PSD4: variants seen among roughly 807,000 people sequenced by gnomAD.
PSD4 encodes the protein pleckstrin and Sec7 domain containing 4, also known as PH and SEC7 domain-containing protein 4.
Under a neutral mutation model 112.5 loss-of-function variants are expected in PSD4, and 59 were observed. The ratio of observed to expected loss-of-function variants is 0.52; its 90% CI spans 0.43 to 0.65. PSD4 has a LOEUF of 0.65. Ranked by LOEUF, PSD4 falls within the 30% of genes least tolerant of loss-of-function variation. The probability of loss-of-function intolerance (pLI) is 0.00; values close to 1 mark genes in which losing one functional copy is unlikely to be tolerated. For synonymous variants in PSD4, 533 were observed against 540.0 expected (o/e 0.99, Z 0.18); for missense variants, 1,267 against 1,352.6 (o/e 0.94, Z 0.99).
Position 113,193,337 on chromosome 2 carries a change from C to T in PSD4, c.1999C>T (p.His667Tyr). The change falls in exon 8 of 17, where the codon CAC becomes TAC. Residue 667 changes from histidine (H) to tyrosine (Y), a missense_variant. This residue lies in a region of PSD4 where 544 missense variants were observed against 648.6 expected (regional missense o/e 0.84). Transcript: ENST00000245796. The stretch of plus-strand genomic sequence containing the variant: ...CCTCTACCAGTTCTCCAGACGCTTC[C>T]ACCATTGCAATCCGGGGATCTTCCC... The part of the protein sequence containing the change: ...RILYQFSRRF[H>Y]HCNPGIFPSV... 1 of 1,605,012 alleles carries T rather than the reference C, an allele frequency of 6.2e-7. No homozygotes were observed. The highest frequency in any genetic ancestry group is 8.5e-7 in the Non-Finnish European group (1 of 1,177,390).
Position 113,196,172 on chromosome 2 carries a change from G to A in PSD4, c.2251G>A (p.Glu751Lys), listed in dbSNP as rs751252559. ...GGATGAAGAAGACACAGCCAGACCT[G>A]AGAAGGCCCAGCCGTCCCTGCCAGC... ...AVDEEDTARP[E>K]KAQPSLPAGK... Residue 751 changes from glutamate to lysine, a missense_variant, in exon 12 of 17, where the codon GAG becomes AAG. Glu to Lys is a moderately conservative substitution (Grantham distance 56, BLOSUM62 1). Transcript: ENST00000245796. 40 of 1,613,368 alleles carry A rather than the reference G, an allele frequency of 2.5e-5. No homozygotes were observed. In the Admixed American group the frequency reaches 6.5e-4, roughly 26 times the overall value.
At position 113,201,486 on chromosome 2, in the gene PSD4, C is replaced by A; in HGVS notation, c.*71C>A. Reference sequence around the variant, plus strand: ...CTGAGATGAACCTCCCTGGAGGAGACTTATTTCAATGAGTCCACCATGACG... The same window carrying A: ...CTGAGATGAACCTCCCTGGAGGAGAATTATTTCAATGAGTCCACCATGACG... On this transcript the variant is annotated 3_prime_UTR_variant, in exon 17 of 17. Transcript: ENST00000245796. The A allele has an allele frequency of 6.4e-7, 1 of 1,568,108 alleles. No individual in the cohort carries two copies. The highest frequency in any genetic ancestry group is 8.7e-7 in the Non-Finnish European group (1 of 1,155,154).
intron 1 of PSD4, among the ~76,000 whole-genome samples, 175 bp from the exon 2 acceptor site, chr2:113,182,171 G>T (rs941435530): frequency 1.3e-5 from 2 of 152,178 alleles, no homozygotes; most frequent in South Asian, 4.1e-4. Flanking sequence ...AGAGATTGTG[G>T]GATCAGATGG....
At position 113,186,070 on chromosome 2, in the gene PSD4, C is replaced by G. The variant is rs1198010018; in HGVS notation, c.1443C>G (p.Pro481=). 6.2e-7 allele frequency: 1 copy of G among 1,614,222 alleles called. No individual in the cohort carries two copies. The change falls in exon 5 of 17, where the codon CCC becomes CCG. Residue 481 remains proline, a synonymous_variant. Transcript: ENST00000245796. ...QLQHHSSGIL[P]KWTLDASQSS... is the part of the protein sequence containing the mutation. Reference sequence around the variant, plus strand: ...AACACCACAGCTCAGGCATTTTGCCCAAGTGGACACTAGATGCTTCACAGT... The same window carrying G: ...AACACCACAGCTCAGGCATTTTGCCGAAGTGGACACTAGATGCTTCACAGT...
chr2:113,198,002 GC>G, intron 14 of PSD4, 89 bp downstream of exon 14: 1 of 1,364,150 alleles, frequency 7.3e-7, no homozygotes, highest in Non-Finnish European at 9.7e-7. Context: ...AGGCTTGTGG[GC>G]CCCAGGGGGT....
chr2:113,198,672 A>AG, intron 14 of PSD4, 68 bp from the exon 15 acceptor site: 2 of 1,472,654 alleles, frequency 1.4e-6, no homozygotes, highest in Non-Finnish European at 1.8e-6. Context: ...CAGCCACAGG[A>AG]GGGGGCGGGA....
Position 113,197,612 on chromosome 2 carries a change from GGATGGTTCTCTACTTCCT to G in PSD4, c.2438_2455del (p.Met813_Leu818del). ...AAGATGTTCCACACCTTACTGCGAG[GGATGGTTCTCTACTTCCT>G]GAAGGTAGGAAAGGAGCCAACACCC... On this transcript the variant is annotated inframe_deletion, in exon 13 of 17. Coordinates refer to ENST00000245796, the MANE Select transcript of PSD4 (RefSeq NM_012455.3). 1 of 1,614,208 alleles carries G rather than the reference GGATGGTTCTCTACTTCCT, an allele frequency of 6.2e-7. No individual in the cohort carries two copies. Among genetic ancestry groups the G allele is most frequent in the Non-Finnish European group, 8.5e-7 (1 of 1,180,034 alleles).
At chr2:113,179,839 C>T (rs1408215248) in intron 1 of PSD4, among the ~76,000 whole-genome samples, 1 of 152,146 alleles carries the variant, frequency 6.6e-6, no homozygotes, top group Non-Finnish European at 1.5e-5. Flanking sequence ...CCTTAACTAA[C>T]AGGTGGAAGG....
chr2:113,185,136 T>C, intron 3 of PSD4, 63 bp downstream of exon 3: 1 of 1,610,152 alleles, frequency 6.2e-7, no homozygotes, highest in Non-Finnish European at 8.5e-7. Flanking sequence ...TATGAGCCCA[T>C]TCATTTCCAG....
At chr2:113,190,175 C>T (rs534507752) in intron 5 of PSD4, among the ~76,000 whole-genome samples, 2 of 152,292 alleles carry the variant, frequency 1.3e-5, no homozygotes, top group East Asian at 1.9e-4. Context: ...TAATACATCT[C>T]GAGTTGTTTT....
At chr2:113,196,614 T>C (rs1300494910) in intron 12 of PSD4, 1 of 293,800 alleles carries the variant, frequency 3.4e-6, no homozygotes, top group African/African-American at 2.1e-5. Context: ...AAGAGCTGAG[T>C]GTCTAGGGGC....
At chr2:113,194,841 C>A (rs1688550376) in intron 10 of PSD4, among the ~76,000 whole-genome samples, 1 of 152,236 alleles carries the variant, frequency 6.6e-6, no homozygotes, top group Non-Finnish European at 1.5e-5. Flanking sequence ...TCATCCTTGA[C>A]TGAACCATCA....
chr2:113,183,864 C>A (rs982968559), intron 2 of PSD4, among the ~76,000 whole-genome samples: 2 of 152,246 alleles, frequency 1.3e-5, no homozygotes, highest in Non-Finnish European at 2.9e-5. Flanking sequence ...CCCCTCCCAT[C>A]TCCAAGACAT....
intron 2 of PSD4, 132 bp downstream of exon 2, chr2:113,183,644 T>C: frequency 3.6e-6 from 3 of 835,734 alleles, no homozygotes; most frequent in Non-Finnish European, 5.3e-6. Context: ...CATCAGTATA[T>C]AGCAGGGTAA....
chr2:113,193,186 C>T, intron 7 of PSD4, 58 bp downstream of exon 7: 1 of 1,602,676 alleles, frequency 6.2e-7, no homozygotes, highest in Admixed American at 1.7e-5. Flanking sequence ...GGCAGTGGCA[C>T]CAGCCTGAGG....
chr2:113,197,668 G>C (rs780812015), intron 13 of PSD4, 34 bp downstream of exon 13: 4 of 1,613,912 alleles, frequency 2.5e-6, no homozygotes, highest in Non-Finnish European at 3.4e-6. Flanking sequence ...GTCAGAATGG[G>C]AGACTGAGAG....
At chr2:113,196,038 G>A (rs1291424064) in intron 11 of PSD4, 109 bp from the exon 12 acceptor site, 3 of 1,396,146 alleles carry the variant, frequency 2.1e-6, no homozygotes, top group Non-Finnish European at 3.0e-6. Context: ...GGGGTCCTGG[G>A]GTGTGGCTTC....
intron 10 of PSD4, 78 bp from the exon 11 acceptor site, chr2:113,195,649 C>T: frequency 6.4e-7 from 1 of 1,552,596 alleles, no homozygotes; most frequent in Admixed American, 1.7e-5. Context: ...ATGCCCCTAT[C>T]CTACCTCTGC....
rs1461297234 is a variant in PSD4 at position 113,183,308 on chromosome 2, A to G, written c.852A>G (p.Pro284=). 1 of 1,611,170 alleles carries G rather than the reference A, an allele frequency of 6.2e-7. No individual in the cohort carries two copies. ...GTGTGAGGACTGGACCTGAGAGCCC[A>G]GCGACTCTGGAGCCTCCCCTCCCAG... ...HAGVRTGPES[P]ATLEPPLPED... The change falls in exon 2 of 17, where the codon CCA becomes CCG. Residue 284 remains proline, a synonymous_variant. Transcript: ENST00000245796.
Sources: gnomAD v4.1 joint callset for allele counts (sites outside exome capture counted in the v4.1 genomes callset) on GRCh38, gnomAD v4.1.1 for gene constraint, gnomAD v4.1.1 regional missense constraint, MANE v1.5 for transcripts, NCBI Gene and HGNC (gene_info 2026-07-23, HGNC 2026-07-21) for gene names.